Variants in SERPINI1 observed in about 807,000 individuals in gnomAD.
SERPINI1 encodes neuroserpin.
A neutral mutation model predicts 41.1 loss-of-function variants in SERPINI1; 19 were observed. The ratio of observed to expected loss-of-function variants is 0.46; its 90% CI spans 0.32 to 0.68. SERPINI1 has a LOEUF of 0.68. SERPINI1 is among the 30% of genes least tolerant of loss of function. The pLI is 0.03. For synonymous variants in SERPINI1, 138 were observed against 156.6 expected, an observed-to-expected ratio of 0.88 and a Z score of 0.89; for missense variants, 460 against 479.2, an observed-to-expected ratio of 0.96 and a Z score of 0.37.
intron 3 of SERPINI1, among the ~76,000 whole-genome samples, chr3:167,792,260 G>A (rs540242524): frequency 2.6e-5 from 4 of 152,214 alleles, no homozygotes; most frequent in South Asian, 2.1e-4. Flanking sequence ...TGGTTCTGTA[G>A]TTTGTGTATC....
chr3:167,784,094 A>G (rs1274369160), intron 1 of SERPINI1, among the ~76,000 whole-genome samples: 1 of 152,058 alleles, frequency 6.6e-6, no homozygotes, highest in East Asian at 1.9e-4. Flanking sequence ...TTTCCCCAGT[A>G]AGAAAAACCT....
At chr3:167,768,399 A>C (rs1288590490) in intron 1 of SERPINI1, among the ~76,000 whole-genome samples, 1 of 152,236 alleles carries the variant, frequency 6.6e-6, no homozygotes, top group Non-Finnish European at 1.5e-5. Context: ...GTGGAAAACC[A>C]AAAAGTTCAT....
chr3:167,743,306 A>T (rs564788627), intron 1 of SERPINI1, among the ~76,000 whole-genome samples: 1 of 152,296 alleles, frequency 6.6e-6, no homozygotes, highest in East Asian at 1.9e-4. Context: ...CTATAGAGTG[A>T]TTATTACCTA....
chr3:167,779,334 T>A (rs1727049866), intron 1 of SERPINI1, among the ~76,000 whole-genome samples: 1 of 152,302 alleles, frequency 6.6e-6, no homozygotes, highest in South Asian at 2.1e-4. Context: ...CAGTAAGCTA[T>A]GAGAACCAAT....
At chr3:167,779,289 C>CAA (rs1727048675) in intron 1 of SERPINI1, among the ~76,000 whole-genome samples, 2 of 152,080 alleles carry the variant, frequency 1.3e-5, no homozygotes, top group African/African-American at 4.8e-5. Context: ...GAACACATAT[C>CAA]AAAGTTTTTT....
At chr3:167,750,944 C>T (rs1726032597) in intron 1 of SERPINI1, among the ~76,000 whole-genome samples, 1 of 152,044 alleles carries the variant, frequency 6.6e-6, no homozygotes, top group Non-Finnish European at 1.5e-5. Flanking sequence ...TAGACAGCTG[C>T]AATTACATAT....
intron 7 of SERPINI1, 71 bp downstream of exon 7, chr3:167,823,143 G>A: frequency 9.4e-7 from 1 of 1,061,376 alleles, no homozygotes; most frequent in Non-Finnish European, 1.5e-6. Context: ...TGGGGAGTGG[G>A]GTCATTTTCA....
chr3:167,778,738 G>C (rs1727032700), intron 1 of SERPINI1, among the ~76,000 whole-genome samples: 1 of 152,198 alleles, frequency 6.6e-6, no homozygotes, highest in Non-Finnish European at 1.5e-5. Flanking sequence ...CTGATTATCA[G>C]TTAACTATGC....
intron 3 of SERPINI1, among the ~76,000 whole-genome samples, chr3:167,791,732 T>C (rs1378060811): frequency 1.3e-5 from 2 of 152,218 alleles, no homozygotes; most frequent in Admixed American, 1.3e-4. Context: ...TTCATCTGTT[T>C]TCACCTACCC....
At chr3:167,791,349 A>G (rs1727500593) in intron 3 of SERPINI1, among the ~76,000 whole-genome samples, 1 of 152,168 alleles carries the variant, frequency 6.6e-6, no homozygotes, top group Non-Finnish European at 1.5e-5. Flanking sequence ...ACATTGGAAC[A>G]ACAACAAAAA....
intron 1 of SERPINI1, among the ~76,000 whole-genome samples, chr3:167,770,814 C>T (rs1209154344): frequency 6.6e-6 from 1 of 152,114 alleles, no homozygotes; most frequent in Non-Finnish European, 1.5e-5. Context: ...CATCTGTTTC[C>T]CTGTTTCTCC....
At chr3:167,814,351 C>T (rs1055091534) in intron 6 of SERPINI1, among the ~76,000 whole-genome samples, 9 of 152,066 alleles carry the variant, frequency 5.9e-5, no homozygotes, top group Non-Finnish European at 1.2e-4. Flanking sequence ...AAAAATCTAT[C>T]CAGAAAAGCA....
chr3:167,739,441 A>G (rs1725596573), intron 1 of SERPINI1, among the ~76,000 whole-genome samples: 1 of 152,224 alleles, frequency 6.6e-6, no homozygotes, highest in South Asian at 2.1e-4. Flanking sequence ...TGCCTTTGCA[A>G]AAGTGTTGAT....
intron 5 of SERPINI1, among the ~76,000 whole-genome samples, chr3:167,802,382 C>T (rs1357662748): frequency 6.7e-6 from 1 of 149,844 alleles, no homozygotes; most frequent in Non-Finnish European, 1.5e-5. Context: ...ACTCATCTGA[C>T]AAAGGGCTAA....
At chr3:167,784,681 C>A (rs1200893821) in intron 1 of SERPINI1, among the ~76,000 whole-genome samples, 1 of 152,090 alleles carries the variant, frequency 6.6e-6, no homozygotes, top group East Asian at 1.9e-4. Flanking sequence ...ACCATCAGAT[C>A]TTGTGAAACT....
intron 1 of SERPINI1, among the ~76,000 whole-genome samples, chr3:167,745,910 A>G (rs905965891): frequency 6.6e-6 from 1 of 152,176 alleles, no homozygotes; most frequent in Non-Finnish European, 1.5e-5. Context: ...AAAGAAATTA[A>G]AGAAGACCTA....
chr3:167,739,111 CTTT>C (rs79245847), intron 1 of SERPINI1, among the ~76,000 whole-genome samples: 1 of 115,582 alleles, frequency 8.7e-6, no homozygotes, highest in African/African-American at 3.1e-5. Context: ...TTTGTTGTTT[CTTT>C]TTTTTTTTTT....
chr3:167,762,318 C>G (rs1424433957), intron 1 of SERPINI1, among the ~76,000 whole-genome samples: 1 of 152,124 alleles, frequency 6.6e-6, no homozygotes, highest in African/African-American at 2.4e-5. Flanking sequence ...CAACTTCCCC[C>G]TCCCCTAGAT....
intron 1 of SERPINI1, among the ~76,000 whole-genome samples, chr3:167,739,829 G>A (rs986636444): frequency 2.0e-5 from 3 of 152,022 alleles, no homozygotes; most frequent in Non-Finnish European, 2.9e-5. Flanking sequence ...TCTGATTGGT[G>A]TTAGAATTAA....
Sources: allele counts gnomAD v4.1 joint callset (sites outside exome capture counted in the v4.1 genomes callset), GRCh38; gene constraint gnomAD v4.1.1; transcripts MANE v1.5; gene names NCBI Gene and HGNC (gene_info 2026-07-23, HGNC 2026-07-21).